Variants in BCKDHB observed in about 807,000 individuals in gnomAD.
BCKDHB encodes the protein 2-oxoisovalerate dehydrogenase subunit beta, mitochondrial.
A neutral mutation model predicts 48.5 loss-of-function variants in BCKDHB; 41 were observed. That is an observed-to-expected ratio of 0.85 (90% CI 0.66 to 1.10). The LOEUF (loss-of-function observed/expected upper bound fraction) is 1.10. BCKDHB is among the 50% of genes least tolerant of loss of function. The pLI, the probability that BCKDHB is intolerant of heterozygous loss-of-function variation, is 0.00. For synonymous variants in BCKDHB, 201 were observed against 174.8 expected, an observed-to-expected ratio of 1.15 and a Z score of -1.18; for missense variants, 496 against 494.2, an observed-to-expected ratio of 1.00 and a Z score of -0.03.
chr6:80,396,755 C>T, the BCKDHB span, among the ~76,000 whole-genome samples: 1 of 152,192 alleles, frequency 6.6e-6, no homozygotes, highest in East Asian at 1.9e-4. Flanking sequence ...TTTCTTTCTC[C>T]TGCTGCCTTG....
intron 8 of BCKDHB, among the ~76,000 whole-genome samples, chr6:80,209,028 T>TA (rs1468024743): frequency 2.9e-4 from 44 of 152,022 alleles, no homozygotes; most frequent in Non-Finnish European, 1.0e-4. Context: ...AAGCAGTTGA[T>TA]ACAATTCCTC....
chr6:80,318,270 C>T (rs1768542341), intron 9 of BCKDHB, among the ~76,000 whole-genome samples: 1 of 152,136 alleles, frequency 6.6e-6, no homozygotes, highest in Non-Finnish European at 1.5e-5. Context: ...AATTAATAGT[C>T]AAACAGGGAG....
chr6:80,354,653 A>T, the BCKDHB span, among the ~76,000 whole-genome samples: 31,246 of 152,100 alleles, frequency 0.21, 3,724 homozygotes, highest in South Asian at 0.37. Flanking sequence ...AGGTTTTACT[A>T]TTACGTTTTT....
chr6:80,374,824 A>G, the BCKDHB span, among the ~76,000 whole-genome samples: 2 of 152,148 alleles, frequency 1.3e-5, no homozygotes, highest in Non-Finnish European at 2.9e-5. Flanking sequence ...TTTTTTTAGC[A>G]GTACTTGTAG....
chr6:80,273,416 T>TC (rs1192403955), intron 9 of BCKDHB, among the ~76,000 whole-genome samples, 195 bp downstream of exon 9: 1 of 152,192 alleles, frequency 6.6e-6, no homozygotes, highest in African/African-American at 2.4e-5. Context: ...TAGTTAATGA[T>TC]CTAATTAATT....
chr6:80,343,839 T>C lies in BCKDHB; in HGVS notation c.*35T>C, dbSNP rs370684959. ...TAGGTATGCATCTTGAGAAAGCTAC[T>C]ATGTGCCCCTGACATTAACGTACTG... On this transcript the variant is annotated 3_prime_UTR_variant, in exon 10 of 10. Transcript: ENST00000320393. 74 of 1,610,628 alleles carry C rather than the reference T, an allele frequency of 4.6e-5. No homozygotes were observed. Among genetic ancestry groups the C allele is most frequent in the Non-Finnish European group, 5.8e-5 (68 of 1,177,092 alleles).
At position 80,186,444 on chromosome 6, in the gene BCKDHB, A is replaced by G. The variant is rs1258610355; in HGVS notation, c.743-14490A>G. ...CCACCAACAGCACACGTTTATATTC[A>G]GGCAGCTGGGGAGAGCGGATAGATC... On this transcript the variant is annotated intron_variant, in intron 6 of 9. Coordinates refer to ENST00000320393, the MANE Select transcript of BCKDHB (RefSeq NM_183050.4). Among the ~76,000 whole-genome samples the G allele has an allele frequency of 3.9e-5, 6 of 152,184 alleles. No homozygotes were observed. The East Asian group carries it at 1.2e-3, about 29-fold the overall frequency.
chr6:80,460,212 T>C, the BCKDHB span, among the ~76,000 whole-genome samples: 1 of 152,188 alleles, frequency 6.6e-6, no homozygotes, highest in Non-Finnish European at 1.5e-5. Context: ...CCAATTGAGA[T>C]ATCACAAGTA....
At chr6:80,178,796 A>G (rs1032261328) in intron 6 of BCKDHB, among the ~76,000 whole-genome samples, 6 of 152,192 alleles carry the variant, frequency 3.9e-5, no homozygotes, top group Non-Finnish European at 8.8e-5. Flanking sequence ...GTGACTTTTA[A>G]GAAACTTGCT....
At chr6:80,374,225 C>G in the BCKDHB span, 8 of 739,138 alleles carry the variant, frequency 1.1e-5, no homozygotes, top group Admixed American at 8.7e-5. Context: ...TTTGGATATG[C>G]TCAATGGCCA....
intron 8 of BCKDHB, among the ~76,000 whole-genome samples, chr6:80,212,207 G>A (rs1038646890): frequency 2.6e-5 from 4 of 152,060 alleles, no homozygotes; most frequent in African/African-American, 9.7e-5. Flanking sequence ...TACCAGGGCG[G>A]AGTTTTTCCC....
chr6:80,260,864 T>A (rs193127326), intron 8 of BCKDHB, among the ~76,000 whole-genome samples: 423 of 152,358 alleles, frequency 2.8e-3, no homozygotes, highest in Non-Finnish European at 4.4e-3. Flanking sequence ...AAAGTGCATC[T>A]TGATATTTGG....
At chr6:80,175,990 G>T (rs1236663595) in intron 6 of BCKDHB, among the ~76,000 whole-genome samples, 1 of 152,150 alleles carries the variant, frequency 6.6e-6, no homozygotes, top group Admixed American at 6.6e-5. Context: ...TGGAACTTAG[G>T]TCCATCTCTC....
the BCKDHB span, among the ~76,000 whole-genome samples, chr6:80,441,577 A>T: frequency 1.1e-4 from 17 of 152,284 alleles, no homozygotes; most frequent in Admixed American, 6.5e-4. Flanking sequence ...AAACAGACAA[A>T]GATTTTGTCA....
At chr6:80,295,297 C>T (rs555328489) in intron 9 of BCKDHB, among the ~76,000 whole-genome samples, 3 of 152,236 alleles carry the variant, frequency 2.0e-5, no homozygotes, top group Admixed American at 1.3e-4. Context: ...AATGGACTTA[C>T]ACTTCCACAT....
At chr6:80,422,914 A>AT in the BCKDHB span, among the ~76,000 whole-genome samples, 1 of 152,184 alleles carries the variant, frequency 6.6e-6, no homozygotes, top group African/African-American at 2.4e-5. Context: ...TACTGCTGAA[A>AT]TGAGTTAAGA....
At chr6:80,197,311 C>A (rs1253264729) in intron 6 of BCKDHB, among the ~76,000 whole-genome samples, 1 of 152,146 alleles carries the variant, frequency 6.6e-6, no homozygotes, top group Non-Finnish European at 1.5e-5. Context: ...AATAAATGGA[C>A]ATATTAAAAT....
At chr6:80,350,481 C>T (rs555814078), downstream of BCKDHB, among the ~76,000 whole-genome samples, 1 of 151,632 alleles carries the variant, frequency 6.6e-6, no homozygotes, top group East Asian at 1.9e-4. Context: ...AAATACAGAC[C>T]ATGTATGGTT....
intron 9 of BCKDHB, among the ~76,000 whole-genome samples, chr6:80,286,326 G>A (rs1304846028): frequency 6.6e-6 from 1 of 152,138 alleles, no homozygotes; most frequent in Admixed American, 6.5e-5. Context: ...TTGAAATGCT[G>A]GTTAGGCTAT....
Sources: gnomAD v4.1 joint callset for allele counts (sites outside exome capture counted in the v4.1 genomes callset) on GRCh38, gnomAD v4.1.1 for gene constraint, MANE v1.5 for transcripts, NCBI Gene and HGNC (gene_info 2026-07-23, HGNC 2026-07-21) for gene names.